The following ATP2B2 variants were observed in gnomAD, a reference collection of about 807,000 sequenced individuals.
ATP2B2 encodes plasma membrane calcium-transporting ATPase 2.
In ATP2B2, 15 loss-of-function variants were observed where a neutral mutation model predicts 120.0. The ratio of observed to expected loss-of-function variants is 0.12; its 90% CI spans 0.08 to 0.19. The LOEUF is 0.19. ATP2B2 is among the 10% of genes least tolerant of loss of function. ATP2B2 has a pLI of 1.00. For synonymous variants in ATP2B2, 694 were observed against 700.3 expected, an observed-to-expected ratio of 0.99 and a Z score of 0.14; for missense variants, 1,045 against 1,719.8, an observed-to-expected ratio of 0.61 and a Z score of 6.94.
At chr3:10,594,181 T>C (rs1575535333) in intron 2 of ATP2B2, among the ~76,000 whole-genome samples, 1 of 152,160 alleles carries the variant, frequency 6.6e-6, no homozygotes, top group South Asian at 2.1e-4. Context: ...GATCTAGAAC[T>C]AGAAATACCA....
chr3:10,569,690 T>C (rs542874125), intron 2 of ATP2B2, among the ~76,000 whole-genome samples: 1 of 152,192 alleles, frequency 6.6e-6, no homozygotes, highest in Admixed American at 6.5e-5. Flanking sequence ...GTGTGTGAGC[T>C]TGAAGGGGCT....
intron 5 of ATP2B2, chr3:10,394,553 G>C: frequency 2.1e-6 from 1 of 467,568 alleles, no homozygotes; most frequent in South Asian, 1.6e-5. Context: ...GTGTAATGGA[G>C]AGAGTGCGGG....
intron 1 of ATP2B2, among the ~76,000 whole-genome samples, chr3:10,453,377 C>T (rs570626234): frequency 9.9e-5 from 15 of 152,264 alleles, no homozygotes; most frequent in African/African-American, 2.2e-4. Flanking sequence ...TCCATAAAAG[C>T]GCTTTATGAG....
chr3:10,536,821 C>A (rs2067328337), intron 2 of ATP2B2, among the ~76,000 whole-genome samples: 1 of 152,224 alleles, frequency 6.6e-6, no homozygotes, highest in South Asian at 2.1e-4. Flanking sequence ...AGCCACCACA[C>A]CCAGCCTCTT....
At chr3:10,413,597 G>A (rs909296342) in intron 2 of ATP2B2, among the ~76,000 whole-genome samples, 9 of 152,196 alleles carry the variant, frequency 5.9e-5, no homozygotes, top group Non-Finnish European at 1.2e-4. Flanking sequence ...CCACTGTTCT[G>A]TGCTGGGCTG....
intron 2 of ATP2B2, among the ~76,000 whole-genome samples, chr3:10,584,019 T>TG (rs1341324407): frequency 6.6e-6 from 1 of 152,168 alleles, no homozygotes; most frequent in Non-Finnish European, 1.5e-5. Flanking sequence ...AGGAACATCG[T>TG]GGCAAGCAAG....
At chr3:10,441,849 T>C (rs561918997) in intron 2 of ATP2B2, among the ~76,000 whole-genome samples, 5 of 152,036 alleles carry the variant, frequency 3.3e-5, no homozygotes, top group African/African-American at 9.7e-5. Context: ...GGTGTTATTA[T>C]CATATCATTT....
At chr3:10,618,693 G>A (rs994509760) in intron 2 of ATP2B2, among the ~76,000 whole-genome samples, 4 of 152,028 alleles carry the variant, frequency 2.6e-5, no homozygotes, top group African/African-American at 9.7e-5. Flanking sequence ...GGGCCAATCT[G>A]GTCAGATCAC....
At chr3:10,665,039 C>A (rs1420877315) in intron 1 of ATP2B2, among the ~76,000 whole-genome samples, 1 of 152,200 alleles carries the variant, frequency 6.6e-6, no homozygotes, top group Non-Finnish European at 1.5e-5. Flanking sequence ...GCCTAGGCAA[C>A]CATGGTGGCT....
chr3:10,358,035 C>T (rs2060790328), intron 14 of ATP2B2, among the ~76,000 whole-genome samples: 3 of 152,342 alleles, frequency 2.0e-5, no homozygotes, highest in African/African-American at 7.2e-5. Flanking sequence ...TGATAGGCAT[C>T]GCCTCCCTTG....
At position 10,339,950 on chromosome 3, in the gene ATP2B2, C is replaced by T. The variant is rs182883516; in HGVS notation, c.3237+292G>A. Among the ~76,000 whole-genome samples, 320 of 152,320 alleles carry T rather than the reference C, an allele frequency of 2.1e-3. 2 individuals carry two copies. The highest frequency in any genetic ancestry group is 7.0e-3 in the African/African-American group (289 of 41,570). ...ACTGATTTTTCAGTTGTCTTAGTAA[C>T]AGGACGTTGCCTTTAAAAACAAATT... is the stretch of plus-strand genomic sequence containing the variant. On this transcript the variant is annotated intron_variant, in intron 21 of 22. Transcript: ENST00000360273.
intron 1 of ATP2B2, among the ~76,000 whole-genome samples, chr3:10,485,393 G>C (rs2065602823): frequency 6.6e-6 from 1 of 152,198 alleles, no homozygotes. Context: ...GCACAGGAAG[G>C]AACAAAGGGT....
At chr3:10,357,292 G>A (rs891257318) in intron 14 of ATP2B2, among the ~76,000 whole-genome samples, 2 of 152,098 alleles carry the variant, frequency 1.3e-5, no homozygotes, top group Non-Finnish European at 2.9e-5. Flanking sequence ...TCCCCAGTAT[G>A]CAGATGAGGC....
At chr3:10,592,695 C>T (rs1360705829) in intron 2 of ATP2B2, among the ~76,000 whole-genome samples, 1 of 152,234 alleles carries the variant, frequency 6.6e-6, no homozygotes, top group Non-Finnish European at 1.5e-5. Flanking sequence ...CACAGTGGCC[C>T]TGTCTGCTCA....
chr3:10,467,167 T>G (rs554959605), intron 1 of ATP2B2, among the ~76,000 whole-genome samples: 32 of 152,352 alleles, frequency 2.1e-4, no homozygotes, highest in Middle Eastern at 3.4e-3. Flanking sequence ...CCTCAACCTC[T>G]ACTTTGATGG....
At chr3:10,379,199 G>A (rs1425662608) in intron 9 of ATP2B2, 44 bp downstream of exon 9, 1 of 1,601,148 alleles carries the variant, frequency 6.2e-7, no homozygotes, top group Non-Finnish European at 8.5e-7. Flanking sequence ...CCGGTGGGGA[G>A]GGGCCTCAGG....
At chr3:10,417,049 C>G (rs1423428279) in intron 2 of ATP2B2, among the ~76,000 whole-genome samples, 2 of 141,034 alleles carry the variant, frequency 1.4e-5, no homozygotes, top group East Asian at 4.3e-4. Context: ...CAGAGGTGCT[C>G]CTCACTTCCC....
intron 3 of ATP2B2, among the ~76,000 whole-genome samples, chr3:10,524,384 T>C (rs1484971867): frequency 6.6e-6 from 1 of 152,256 alleles, no homozygotes; most frequent in Non-Finnish European, 1.5e-5. Context: ...CGAGTGCCAT[T>C]GCTATCACAC....
chr3:10,338,124 C>A, intron 22 of ATP2B2, 52 bp downstream of exon 22: 1 of 1,609,262 alleles, frequency 6.2e-7, no homozygotes. Context: ...CACCTCCATC[C>A]CCTGGCCCGC....
Sources: allele counts gnomAD v4.1 joint callset (sites outside exome capture counted in the v4.1 genomes callset), GRCh38; gene constraint gnomAD v4.1.1; transcripts MANE v1.5; gene names NCBI Gene and HGNC (gene_info 2026-07-23, HGNC 2026-07-21).